Variants in MEGF6 observed in about 807,000 individuals in gnomAD.
MEGF6 encodes the protein multiple EGF like domains 6.
Under a neutral mutation model 207.1 loss-of-function variants are expected in MEGF6, and 184 were observed. The observed-to-expected ratio is 0.89, with a 90% confidence interval of 0.79 to 1.00. The LOEUF (loss-of-function observed/expected upper bound fraction) is 1.00. MEGF6 is among the 50% of genes least tolerant of loss of function. MEGF6 has a pLI of 0.00. For missense variants in MEGF6, 2,282 were observed against 2,202.9 expected (o/e 1.04, Z -0.72); for synonymous variants, 1,038 against 910.0 (o/e 1.14, Z -2.53).
chr1:3,502,089 C>CCGCGCCT, intron 17 of MEGF6, among the ~76,000 whole-genome samples, 168 bp from the exon 18 acceptor site: 1 of 52,856 alleles, frequency 1.9e-5, no homozygotes, highest in East Asian at 1.5e-3. Flanking sequence ...GTGTGCCCCC[C>CCGCGCCT]CGCGCCTCCT....
At chr1:3,506,660 G>C (rs1641131308) in intron 14 of MEGF6, among the ~76,000 whole-genome samples, 1 of 152,168 alleles carries the variant, frequency 6.6e-6, no homozygotes, top group Non-Finnish European at 1.5e-5. Context: ...AGCTAGAAAG[G>C]TCCTCGCCTT....
In MEGF6 at chr1:3,494,748, A is replaced by G; in HGVS notation, c.3872-7T>C. ...AACCGGTTCTGGGGGCAGCCTGGAG[A>G]CAGAAGGCAGGTGCTGCCTGGAGCT... On this transcript the variant is annotated splice_polypyrimidine_tract_variant and splice_region_variant and intron_variant, in intron 30 of 36. Transcript: ENST00000356575. 6.4e-7 allele frequency: 1 copy of G among 1,569,874 alleles called. No homozygotes were observed. Among genetic ancestry groups the G allele is most frequent in the Non-Finnish European group, 8.6e-7 (1 of 1,156,764 alleles).
At chr1:3,582,127 G>T (rs1358082886) in intron 3 of MEGF6, among the ~76,000 whole-genome samples, 1 of 152,178 alleles carries the variant, frequency 6.6e-6, no homozygotes, top group Non-Finnish European at 1.5e-5. Context: ...AGGACACCAG[G>T]CCCGGGGCAG....
chr1:3,589,491 T>C (rs894631391), intron 3 of MEGF6, among the ~76,000 whole-genome samples: 2 of 152,014 alleles, frequency 1.3e-5, no homozygotes, highest in African/African-American at 2.4e-5. Context: ...CTCACATCAG[T>C]AGACCACCAC....
At chr1:3,491,068 C>G in intron 35 of MEGF6, 109 bp from the exon 36 acceptor site, 1 of 1,039,030 alleles carries the variant, frequency 9.6e-7, no homozygotes, top group Non-Finnish European at 1.4e-6. Context: ...TCCACTTCCC[C>G]CGCACAGTCT....
chr1:3,536,302 G>A (rs1195087225), intron 4 of MEGF6, among the ~76,000 whole-genome samples: 1 of 148,528 alleles, frequency 6.7e-6, no homozygotes, highest in Non-Finnish European at 1.5e-5. Context: ...ATGCAACAAC[G>A]ATGTGTGTGC....
At chr1:3,598,762 C>T (rs989446155) in intron 2 of MEGF6, among the ~76,000 whole-genome samples, 1 of 151,434 alleles carries the variant, frequency 6.6e-6, no homozygotes, top group African/African-American at 2.4e-5. Context: ...CTGCAGCCAC[C>T]AGCTCACAGT....
At chr1:3,531,335 C>T (rs3927734) in intron 4 of MEGF6, 114,712 of 1,220,632 alleles carry the variant, frequency 0.094, 5,924 homozygotes, top group Admixed American at 0.14. Flanking sequence ...GCGGCTCGGG[C>T]TGGTTCTGGG....
intron 4 of MEGF6, among the ~76,000 whole-genome samples, chr1:3,578,385 G>T (rs1643699956): frequency 6.6e-6 from 1 of 152,190 alleles, no homozygotes; most frequent in Non-Finnish European, 1.5e-5. Context: ...GAAGCCAAAC[G>T]TGACAGTGGA....
intron 4 of MEGF6, among the ~76,000 whole-genome samples, chr1:3,536,966 G>A (rs547110204): frequency 2.0e-5 from 3 of 152,374 alleles, no homozygotes; most frequent in East Asian, 1.9e-4. Flanking sequence ...CCAGCCTTGC[G>A]GCTCAGGCGC....
intron 15 of MEGF6, 48 bp from the exon 16 acceptor site, chr1:3,505,604 C>T: frequency 2.0e-6 from 3 of 1,493,830 alleles, no homozygotes; most frequent in Non-Finnish European, 2.7e-6. Context: ...AAGCCCCACC[C>T]TCCCAGACCG....
intron 2 of MEGF6, among the ~76,000 whole-genome samples, chr1:3,596,126 ACCATGG>A (rs1394989381): frequency 6.6e-6 from 1 of 152,066 alleles, no homozygotes; most frequent in East Asian, 1.9e-4. Flanking sequence ...GAGAGGAGGC[ACCATGG>A]CGGGCAGGCA....
intron 3 of MEGF6, among the ~76,000 whole-genome samples, chr1:3,590,522 C>T (rs1209106468): frequency 6.6e-6 from 1 of 152,242 alleles, no homozygotes; most frequent in African/African-American, 2.4e-5. Flanking sequence ...AAGTAAGTGG[C>T]TCTCAGGGAA....
At chr1:3,575,212 G>A (rs1362691852) in intron 4 of MEGF6, among the ~76,000 whole-genome samples, 1 of 152,242 alleles carries the variant, frequency 6.6e-6, no homozygotes, top group Non-Finnish European at 1.5e-5. Flanking sequence ...ATCCACGCTT[G>A]CCAGAGCAGC....
intron 30 of MEGF6, among the ~76,000 whole-genome samples, chr1:3,495,575 C>T (rs972295332): frequency 6.6e-6 from 1 of 152,222 alleles, no homozygotes; most frequent in Admixed American, 6.5e-5. Context: ...AGGGGCCAGG[C>T]AGGCGCTGGG....
intron 17 of MEGF6, among the ~76,000 whole-genome samples, chr1:3,504,011 C>T (rs951116314): frequency 6.6e-6 from 1 of 152,056 alleles, no homozygotes; most frequent in South Asian, 2.1e-4. Context: ...GGACGTTGCT[C>T]CCTCTGCGGA....
intron 28 of MEGF6, 55 bp downstream of exon 28, chr1:3,496,933 C>A: frequency 6.5e-7 from 1 of 1,533,834 alleles, no homozygotes; most frequent in Admixed American, 2.0e-5. Flanking sequence ...GGAACTGGGG[C>A]CCAGCACGCC....
chr1:3,551,294 G>A (rs1444244712), intron 4 of MEGF6, among the ~76,000 whole-genome samples: 3 of 152,214 alleles, frequency 2.0e-5, no homozygotes, highest in African/African-American at 4.8e-5. Flanking sequence ...GACCCCAGGG[G>A]TCTCAGCCAG....
intron 5 of MEGF6, among the ~76,000 whole-genome samples, chr1:3,516,814 T>A (rs1641558186): frequency 6.6e-6 from 1 of 152,158 alleles, no homozygotes; most frequent in South Asian, 2.1e-4. Flanking sequence ...GAGGGTCCCC[T>A]CCTGGGGCAG....
Sources: allele counts gnomAD v4.1 joint callset (sites outside exome capture counted in the v4.1 genomes callset), GRCh38; gene constraint gnomAD v4.1.1; transcripts MANE v1.5; gene names NCBI Gene and HGNC (gene_info 2026-07-23, HGNC 2026-07-21).